PPP2R2C: variants seen among roughly 807,000 people sequenced by gnomAD.
The protein encoded by PPP2R2C is protein phosphatase 2, regulatory subunit B, gamma.
PPP2R2C carries 10 observed loss-of-function variants against 45.3 expected under a neutral mutation model. The ratio of observed to expected loss-of-function variants is 0.22; its 90% CI spans 0.14 to 0.37. PPP2R2C has a LOEUF of 0.37. Among genes scored for constraint, PPP2R2C ranks in the 10% least tolerant of loss-of-function variants. The pLI is 1.00. For synonymous variants in PPP2R2C, 257 were observed against 245.4 expected (o/e 1.05, Z -0.44); for missense variants, 308 against 619.7 (o/e 0.50, Z 5.34).
chr4:6,552,115 C>T (rs1335392944), intron 1 of PPP2R2C, among the ~76,000 whole-genome samples: 1 of 152,204 alleles, frequency 6.6e-6, no homozygotes, highest in Non-Finnish European at 1.5e-5. Flanking sequence ...CAAGGGGAGA[C>T]CTGAGCCCAC....
At chr4:6,500,511 T>C (rs1410654146) in intron 2 of PPP2R2C, among the ~76,000 whole-genome samples, 1 of 152,202 alleles carries the variant, frequency 6.6e-6, no homozygotes, top group Non-Finnish European at 1.5e-5. Context: ...CTATTTGATC[T>C]CATCCACTCC....
chr4:6,324,176 A>G lies in PPP2R2C; in HGVS notation c.1053-583T>C, dbSNP rs1731755625. Among the ~76,000 whole-genome samples, 1 of 152,130 alleles carries G rather than the reference A, an allele frequency of 6.6e-6. No individual in the cohort carries two copies. Among genetic ancestry groups the G allele is most frequent in the African/African-American group, 2.4e-5 (1 of 41,424 alleles). On this transcript the variant is annotated intron_variant, in intron 8 of 8. Coordinates refer to ENST00000382599, the MANE Select transcript of PPP2R2C (RefSeq NM_020416.4). This position sits in a 1 kb window ranked among gnomAD's most constrained non-coding sequence, Gnocchi z 4.1. ...GCCAGGCGTGGTGGCTCACACCTGT[A>G]ATCCCAGCACTTTGGGAAGCCAAGG...
chr4:6,473,039 G>C (rs930925605), upstream of PPP2R2C, among the ~76,000 whole-genome samples: 2 of 152,134 alleles, frequency 1.3e-5, no homozygotes, highest in Non-Finnish European at 2.9e-5. Flanking sequence ...CCCTTCATTA[G>C]TAGAAGAGGG....
intron 1 of PPP2R2C, among the ~76,000 whole-genome samples, chr4:6,546,543 T>C (rs1201198259): frequency 6.6e-6 from 1 of 152,154 alleles, no homozygotes; most frequent in Non-Finnish European, 1.5e-5. Flanking sequence ...TGGTGAGTGG[T>C]AGATTCTGAC....
chr4:6,467,888 A>G (rs2108765717), intron 1 of PPP2R2C, among the ~76,000 whole-genome samples: 2 of 152,134 alleles, frequency 1.3e-5, no homozygotes, highest in East Asian at 3.9e-4. Flanking sequence ...GCTGCCAGCC[A>G]CCACAAGGTT....
chr4:6,470,484 C>G (rs1721811454), intron 1 of PPP2R2C, among the ~76,000 whole-genome samples: 1 of 152,208 alleles, frequency 6.6e-6, no homozygotes, highest in Non-Finnish European at 1.5e-5. Flanking sequence ...GAGCCCTGCG[C>G]CCCATCCCAC....
chr4:6,538,252 C>T (rs556580259), intron 1 of PPP2R2C, among the ~76,000 whole-genome samples: 6 of 152,100 alleles, frequency 3.9e-5, no homozygotes, highest in South Asian at 2.1e-4. Flanking sequence ...ACAGCTGGGG[C>T]GTCAGATTTG....
chr4:6,541,703 G>T (rs1051528975), intron 1 of PPP2R2C, among the ~76,000 whole-genome samples: 3 of 152,106 alleles, frequency 2.0e-5, no homozygotes, highest in East Asian at 3.9e-4. Context: ...CTGCCATCAC[G>T]CTCAGCTAAT....
At chr4:6,436,594 T>G (rs889540866) in intron 1 of PPP2R2C, among the ~76,000 whole-genome samples, 3 of 152,228 alleles carry the variant, frequency 2.0e-5, no homozygotes, top group Admixed American at 2.0e-4. Flanking sequence ...CGTCAAACCC[T>G]GGTCATTCAG....
intron 2 of PPP2R2C, among the ~76,000 whole-genome samples, chr4:6,510,995 A>C (rs868145124): frequency 2.9e-5 from 2 of 68,308 alleles, no homozygotes; most frequent in Admixed American, 2.4e-4. Context: ...AAAAACAAAC[A>C]AACAAAAAAA....
At chr4:6,362,000 C>G (rs924409892) in intron 5 of PPP2R2C, among the ~76,000 whole-genome samples, 3 of 151,382 alleles carry the variant, frequency 2.0e-5, no homozygotes, top group African/African-American at 7.3e-5. Flanking sequence ...CCCGGCAGAG[C>G]TAGTGGGTGG....
At chr4:6,427,978 T>C (rs1020631885) in intron 1 of PPP2R2C, among the ~76,000 whole-genome samples, 1 of 152,146 alleles carries the variant, frequency 6.6e-6, no homozygotes, top group Non-Finnish European at 1.5e-5. Flanking sequence ...GTTTTGTCAA[T>C]GAGGGAACGA....
At chr4:6,395,265 C>A (rs1273431642) in intron 1 of PPP2R2C, among the ~76,000 whole-genome samples, 1 of 152,210 alleles carries the variant, frequency 6.6e-6, no homozygotes, top group Non-Finnish European at 1.5e-5. Context: ...CCAGCCTGGA[C>A]ATTCTTCATT....
intron 2 of PPP2R2C, among the ~76,000 whole-genome samples, chr4:6,483,208 G>A (rs1722423867): frequency 1.3e-5 from 2 of 152,038 alleles, no homozygotes; most frequent in African/African-American, 2.4e-5. Flanking sequence ...TTTGAGTTTT[G>A]CACCTATGTT....
At chr4:6,382,371 T>C (rs1407722821) in intron 1 of PPP2R2C, 1 of 1,342,216 alleles carries the variant, frequency 7.5e-7, no homozygotes, top group African/African-American at 1.5e-5. Flanking sequence ...ATCTGACCGT[T>C]GCTCCCTGTA....
chr4:6,401,319 G>A (rs1717396501), intron 1 of PPP2R2C, among the ~76,000 whole-genome samples: 1 of 152,110 alleles, frequency 6.6e-6, no homozygotes, highest in South Asian at 2.1e-4. Context: ...AATACCTAAT[G>A]AAGCTGTTTC....
chr4:6,512,512 T>TGGTGG (rs1723670195), intron 2 of PPP2R2C, among the ~76,000 whole-genome samples: 1 of 12,838 alleles, frequency 7.8e-5, no homozygotes, highest in Non-Finnish European at 1.5e-4. Flanking sequence ...GGTGGTGATG[T>TGGTGG]TGGTGGTGGT....
chr4:6,425,837 G>GTGGT (rs61539636), intron 1 of PPP2R2C, among the ~76,000 whole-genome samples: 7 of 150,726 alleles, frequency 4.6e-5, no homozygotes, highest in African/African-American at 1.5e-4. Context: ...GTGTGTGTGT[G>GTGGT]GTGTGTGTGT....
intron 1 of PPP2R2C, among the ~76,000 whole-genome samples, chr4:6,386,176 C>T (rs1489777561): frequency 6.6e-6 from 1 of 152,216 alleles, no homozygotes; most frequent in Non-Finnish European, 1.5e-5. Context: ...GCAGCAGATG[C>T]TGCAGGCGGT....
Sources: gnomAD v4.1 joint callset for allele counts (sites outside exome capture counted in the v4.1 genomes callset) on GRCh38, gnomAD v4.1.1 for gene constraint, Gnocchi (gnomAD v3.1) non-coding constraint, MANE v1.5 for transcripts, NCBI Gene and HGNC (gene_info 2026-07-23, HGNC 2026-07-21) for gene names.